Variants in NTM observed in about 807,000 individuals in gnomAD.
NTM encodes IgLON family member 2.
NTM carries 13 observed loss-of-function variants against 42.1 expected under a neutral mutation model. The observed-to-expected ratio is 0.31, with a 90% CI of 0.20 to 0.49. The LOEUF is 0.49. Ranked by LOEUF, NTM falls within the 20% of genes least tolerant of loss-of-function variation. NTM has a pLI of 0.99. For synonymous variants in NTM, 187 were observed against 179.2 expected (o/e 1.04, Z -0.35); for missense variants, 373 against 452.8 (o/e 0.82, Z 1.60).
At chr11:131,894,663 C>A (rs368825382) in intron 1 of NTM, among the ~76,000 whole-genome samples, 1 of 152,138 alleles carries the variant, frequency 6.6e-6, no homozygotes, top group South Asian at 2.1e-4. Flanking sequence ...GGCTGTCCAT[C>A]GCCTCACCTC....
chr11:131,662,881 A>G (rs192785676), intron 1 of NTM, among the ~76,000 whole-genome samples: 464 of 152,242 alleles, frequency 3.0e-3, no homozygotes, highest in African/African-American at 0.011. Context: ...AGAATTTCCC[A>G]TTAATAAGGA....
intron 1 of NTM, among the ~76,000 whole-genome samples, chr11:131,454,677 C>G (rs1950737623): frequency 2.0e-5 from 3 of 152,054 alleles, no homozygotes; most frequent in African/African-American, 7.2e-5. Flanking sequence ...TCTTCACAGG[C>G]AGTGTGTTTG....
chr11:131,924,933 T>C (rs1452553521), intron 2 of NTM, among the ~76,000 whole-genome samples: 1 of 152,270 alleles, frequency 6.6e-6, no homozygotes, highest in African/African-American at 2.4e-5. Context: ...TATTACAATT[T>C]CTTGGCAAGA....
chr11:131,888,870 C>T (rs576263569), intron 1 of NTM, among the ~76,000 whole-genome samples: 40 of 151,184 alleles, frequency 2.6e-4, no homozygotes, highest in Middle Eastern at 3.5e-3. Flanking sequence ...AGCCTGGTCT[C>T]GGCATCGGCG....
intron 2 of NTM, among the ~76,000 whole-genome samples, chr11:132,030,827 C>T (rs768878977): frequency 6.6e-6 from 1 of 152,314 alleles, no homozygotes; most frequent in African/African-American, 2.4e-5. Flanking sequence ...CTGAATTAGT[C>T]AGCTAGTGCC....
chr11:131,851,306 T>C (rs1428784746), intron 1 of NTM, among the ~76,000 whole-genome samples: 4 of 152,108 alleles, frequency 2.6e-5, no homozygotes, highest in Admixed American at 1.3e-4. Flanking sequence ...CTTGGGAGGG[T>C]GTACAGTCCA....
intron 1 of NTM, among the ~76,000 whole-genome samples, chr11:131,765,116 T>C (rs925067282): frequency 6.6e-6 from 1 of 152,152 alleles, no homozygotes; most frequent in African/African-American, 2.4e-5. Flanking sequence ...GAATGCTCTG[T>C]ATGAGAGCCG....
intron 2 of NTM, among the ~76,000 whole-genome samples, chr11:132,016,152 A>C (rs191114396): frequency 6.6e-6 from 1 of 151,386 alleles, no homozygotes; most frequent in Non-Finnish European, 1.5e-5. Context: ...CTTTTTCTGC[A>C]TTATTGAAAT....
chr11:131,957,485 T>G (rs1304943771), intron 2 of NTM, among the ~76,000 whole-genome samples: 3 of 152,280 alleles, frequency 2.0e-5, no homozygotes, highest in African/African-American at 4.8e-5. Context: ...AAAATTTTTC[T>G]TAATGTTCAC....
intron 2 of NTM, among the ~76,000 whole-genome samples, chr11:132,023,667 A>G (rs1304735016): frequency 6.6e-6 from 1 of 152,074 alleles, no homozygotes; most frequent in South Asian, 2.1e-4. Flanking sequence ...TATTGCAAGC[A>G]CTAGAATTGA....
At chr11:131,508,436 G>A (rs1265191086) in intron 1 of NTM, among the ~76,000 whole-genome samples, 67 of 147,678 alleles carry the variant, frequency 4.5e-4, no homozygotes, top group African/African-American at 1.6e-3. Context: ...CACTGTTGGT[G>A]GGACTGTAAA....
intron 1 of NTM, among the ~76,000 whole-genome samples, chr11:131,786,916 T>C (rs887418946): frequency 2.0e-5 from 3 of 152,240 alleles, no homozygotes; most frequent in Admixed American, 1.3e-4. Context: ...AATTATCATG[T>C]GTTTTCTTTC....
chr11:131,869,795 G>T (rs1322968340), intron 1 of NTM, among the ~76,000 whole-genome samples: 1 of 152,146 alleles, frequency 6.6e-6, no homozygotes, highest in Non-Finnish European at 1.5e-5. Context: ...TGAAATGGAA[G>T]CAAATCTTAA....
At chr11:132,024,402 G>A (rs1414116413) in intron 2 of NTM, among the ~76,000 whole-genome samples, 3 of 152,178 alleles carry the variant, frequency 2.0e-5, no homozygotes, top group East Asian at 1.9e-4. Context: ...ACCTAAAATC[G>A]GAAATTATTT....
chr11:131,669,972 TC>T (rs2069825385), intron 1 of NTM, among the ~76,000 whole-genome samples: 1 of 152,154 alleles, frequency 6.6e-6, no homozygotes, highest in Admixed American at 6.5e-5. Context: ...GGAGCCTCCT[TC>T]CAGGTGGCGT....
At chr11:131,580,358 G>A (rs1489939641) in intron 1 of NTM, among the ~76,000 whole-genome samples, 1 of 152,154 alleles carries the variant, frequency 6.6e-6, no homozygotes, top group African/African-American at 2.4e-5. Context: ...TGGCTGAGTT[G>A]TGATTACACA....
chr11:131,878,301 T>C (rs2137208382), intron 1 of NTM, among the ~76,000 whole-genome samples: 1 of 152,096 alleles, frequency 6.6e-6, no homozygotes. Flanking sequence ...CCTGGCATGG[T>C]GGCTGGCGCC....
chr11:131,372,729 C>T (rs185698727), intron 1 of NTM, among the ~76,000 whole-genome samples: 8 of 152,266 alleles, frequency 5.3e-5, no homozygotes, highest in Non-Finnish European at 1.0e-4. Context: ...CATCAACAGC[C>T]CTGCTGGCTG....
At chr11:132,074,623 C>T (rs2058125822) in intron 2 of NTM, among the ~76,000 whole-genome samples, 2 of 151,846 alleles carry the variant, frequency 1.3e-5, no homozygotes, top group African/African-American at 2.4e-5. Flanking sequence ...ATTTCTATTT[C>T]AGAAACATTG....
Sources: allele counts gnomAD v4.1 joint callset (sites outside exome capture counted in the v4.1 genomes callset), GRCh38; gene constraint gnomAD v4.1.1; transcripts MANE v1.5; gene names NCBI Gene and HGNC (gene_info 2026-07-23, HGNC 2026-07-21).